NBN: variants seen among roughly 807,000 people sequenced by gnomAD.
NBN encodes Nijmegen breakage syndrome 1 (nibrin).
NBN carries 88 observed loss-of-function variants against 90.8 expected under a neutral mutation model. The ratio of observed to expected loss-of-function variants is 0.97; its 90% confidence interval spans 0.82 to 1.16. The LOEUF (loss-of-function observed/expected upper bound fraction) is 1.16. Ranked by LOEUF, NBN falls within the 50% of genes most tolerant of loss-of-function variation. NBN has a pLI of 0.00. For missense variants in NBN, 894 were observed against 869.6 expected, an observed-to-expected ratio of 1.03 and a Z score of -0.35; for synonymous variants, 328 against 295.1, an observed-to-expected ratio of 1.11 and a Z score of -1.14.
chr8:89,975,566 G>A (rs904550390), intron 5 of NBN, among the ~76,000 whole-genome samples: 6 of 152,128 alleles, frequency 3.9e-5, no homozygotes, highest in African/African-American at 1.4e-4. Flanking sequence ...TGGGTTAATA[G>A]GATAAATAAC....
chr8:89,978,449 C>T, intron 4 of NBN, 126 bp from the exon 5 acceptor site: 1 of 735,600 alleles, frequency 1.4e-6, no homozygotes, highest in African/African-American at 1.8e-5. Context: ...CCTTTCATCT[C>T]TCTAAATTTA....
intron 14 of NBN, among the ~76,000 whole-genome samples, chr8:89,939,272 G>A (rs1017078027): frequency 5.9e-5 from 9 of 151,606 alleles, no homozygotes; most frequent in Non-Finnish European, 1.2e-4. Flanking sequence ...AAATGAGATG[G>A]CAGTACAGAA....
chr8:89,961,706 A>G (rs1410563734), intron 8 of NBN, among the ~76,000 whole-genome samples: 2 of 152,226 alleles, frequency 1.3e-5, no homozygotes, highest in Non-Finnish European at 2.9e-5. Flanking sequence ...GGCTGCAGCT[A>G]AACTACTGAG....
rs1809551457 is a variant in NBN at position 89,934,005 on chromosome 8, C to T, written c.*1577G>A. ...TTTGTAAAGACAGGAGGTACCAGAACTCTCATTCATTATATTCATAAATTG... is the reference window on the plus strand; with the variant it reads ...TTTGTAAAGACAGGAGGTACCAGAATTCTCATTCATTATATTCATAAATTG... On this transcript the variant is annotated 3_prime_UTR_variant, in exon 16 of 16. Transcript: ENST00000265433. 2 of 230,846 alleles carry T rather than the reference C, an allele frequency of 8.7e-6. No homozygotes were observed. Among genetic ancestry groups the T allele is most frequent in the East Asian group, 6.2e-5 (1 of 16,160 alleles). 14.3% of individuals were successfully genotyped at this position (230,846 alleles called of 1,614,324 possible). A position where few individuals can be genotyped will look rare whatever the true frequency, so the allele number is the denominator to read the frequency against.
At chr8:89,968,420 G>T (rs991409118) in intron 7 of NBN, among the ~76,000 whole-genome samples, 10 of 152,054 alleles carry the variant, frequency 6.6e-5, no homozygotes, top group Non-Finnish European at 1.3e-4. Flanking sequence ...GAATCCAACT[G>T]CCTGGGCTCA....
chr8:89,963,047 A>G (rs35822955), intron 8 of NBN, among the ~76,000 whole-genome samples: 1,679 of 152,242 alleles, frequency 0.011, 31 homozygotes, highest in African/African-American at 0.038. Flanking sequence ...CCTCTATCTT[A>G]TAAGGACTGT....
At chr8:89,977,597 G>C (rs1171769324) in intron 5 of NBN, among the ~76,000 whole-genome samples, 1 of 152,086 alleles carries the variant, frequency 6.6e-6, no homozygotes, top group Non-Finnish European at 1.5e-5. Flanking sequence ...CCCAGTAATG[G>C]GATTGCTGGG....
intron 2 of NBN, 134 bp from the exon 3 acceptor site, chr8:89,981,657 G>A: frequency 5.7e-6 from 5 of 874,214 alleles, no homozygotes; most frequent in Non-Finnish European, 8.8e-6. Context: ...TACTGCTTCG[G>A]TTGCCTTGAG....
At position 89,953,308 on chromosome 8, in the gene NBN, C is replaced by G. The variant is rs1170559670; in HGVS notation, c.1781G>C (p.Arg594Thr). ...EEDVNVRKRP[R>T]MDIETNDTFS... ...AGTGTCATTTGTTTCTATATCCATCCTTGGCCTTTTTCTAACATTGACATC... is the reference window on the plus strand; with the variant it reads ...AGTGTCATTTGTTTCTATATCCATCGTTGGCCTTTTTCTAACATTGACATC... The change falls in exon 11 of 16, where the codon AGG becomes ACG. Residue 594 changes from arginine to threonine, a missense_variant. Coordinates refer to ENST00000265433, the MANE Select transcript of NBN (RefSeq NM_002485.5). The G allele has an allele frequency of 1.9e-6, 3 of 1,613,366 alleles. 1 individual carries two copies. Among genetic ancestry groups the G allele is most frequent in the South Asian group, 2.2e-5 (2 of 91,070 alleles).
At position 89,984,639 on chromosome 8, in the gene NBN, G is replaced by A; in HGVS notation, c.-78C>T. 6.3e-7 allele frequency: 1 copy of A among 1,586,640 alleles called. No individual in the cohort carries two copies. Among genetic ancestry groups the A allele is most frequent in the South Asian group, 1.1e-5 (1 of 88,046 alleles). On this transcript the variant is annotated 5_prime_UTR_variant, in exon 1 of 16. Transcript: ENST00000265433. ...CTAGACGAGCGCGGATACGGCGCCTGCGGTCGGCATGGGCTCCGGGACGTG... is the reference window on the plus strand; with the variant it reads ...CTAGACGAGCGCGGATACGGCGCCTACGGTCGGCATGGGCTCCGGGACGTG...
At chr8:89,978,097 TA>T in intron 5 of NBN, 122 bp downstream of exon 5, 1 of 862,034 alleles carries the variant, frequency 1.2e-6, no homozygotes, top group Non-Finnish European at 1.8e-6. Flanking sequence ...CCATTAATAA[TA>T]CCGAACTATA....
At chr8:89,977,244 C>T (rs1040991129) in intron 5 of NBN, among the ~76,000 whole-genome samples, 30 of 151,918 alleles carry the variant, frequency 2.0e-4, no homozygotes, top group African/African-American at 7.0e-4. Flanking sequence ...AAACAGGCCC[C>T]GGTATGTGAT....
rs571828877 is a variant in NBN at position 89,984,229 on chromosome 8, C to T, written c.37+296G>A. 7.5e-6 allele frequency: 4 copies of T among 533,708 alleles called. No individual in the cohort carries two copies. In the South Asian group the frequency reaches 8.7e-5, roughly 12 times the overall value. 33.1% of individuals were successfully genotyped at this position (533,708 alleles called of 1,614,324 possible). On this transcript the variant is annotated intron_variant, in intron 1 of 15. Transcript: ENST00000265433. ...TTACCCGCAGGCCATCCAGCCCTAGCGCTGCAACGGCGCGGGGGTGAGGCT... is the reference window on the plus strand; with the variant it reads ...TTACCCGCAGGCCATCCAGCCCTAGTGCTGCAACGGCGCGGGGGTGAGGCT...
chr8:89,953,228 T>A lies in NBN; in HGVS notation c.1845+16A>T. On this transcript the variant is annotated intron_variant, in intron 11 of 15. Coordinates refer to ENST00000265433, the MANE Select transcript of NBN (RefSeq NM_002485.5). ...AGCTTCTATGTACTATACCTCTCAT[T>A]TAAAATGTTACTTACAGATATTTTG... 1 of 1,555,982 alleles carries A rather than the reference T, an allele frequency of 6.4e-7. No individual in the cohort carries two copies. The highest frequency in any genetic ancestry group is 8.9e-7 in the Non-Finnish European group (1 of 1,128,690).
chr8:89,953,690 C>A lies in NBN; in HGVS notation c.1399G>T (p.Glu467Ter), dbSNP rs1554558613. The A allele has an allele frequency of 1.2e-6, 2 of 1,605,846 alleles. No individual in the cohort carries two copies. The highest frequency in any genetic ancestry group is 1.7e-6 in the Non-Finnish European group (2 of 1,176,270). The change falls in exon 11 of 16, where the codon GAA becomes TAA. Residue 467 changes from glutamate (E) to a stop codon, truncating the protein, a stop_gained and splice_region_variant. Coordinates refer to ENST00000265433, the MANE Select transcript of NBN (RefSeq NM_002485.5). LOFTEE classifies it high-confidence loss of function. Reference sequence around the variant, plus strand: ...ATTTCTTGATTTTCTTCATCCCTTTCCCTTAGATTTAAAAAAAAAGAAGAA... The same window carrying A: ...ATTTCTTGATTTTCTTCATCCCTTTACCTTAGATTTAAAAAAAAAGAAGAA... ...NYFQPSTKKR[E>*]RDEENQEMSS...
intron 7 of NBN, among the ~76,000 whole-genome samples, chr8:89,968,006 C>A (rs919092187): frequency 7.2e-5 from 11 of 152,146 alleles, no homozygotes; most frequent in African/African-American, 2.7e-4. Context: ...ACCTATGATG[C>A]CAGCACTTTG....
chr8:89,978,341 T>C lies in NBN; in HGVS notation c.481-18A>G, dbSNP rs587781092. ...CATATTGTCTACAATGAAGAAAACA[T>C]GTGAATATATATATTCACATGCTAG... On this transcript the variant is annotated intron_variant, in intron 4 of 15. Transcript: ENST00000265433. 6.2e-5 allele frequency: 97 copies of C among 1,575,712 alleles called. 2 individuals carry two copies. The Admixed American group carries it at 9.8e-4, about 16-fold the overall frequency.
chr8:89,982,505 T>A, intron 2 of NBN: 1 of 573,998 alleles, frequency 1.7e-6, no homozygotes. Flanking sequence ...AAACAAAGAG[T>A]AAATTACTGA....
intron 5 of NBN, among the ~76,000 whole-genome samples, chr8:89,974,086 C>A (rs538574907): frequency 2.8e-4 from 42 of 152,058 alleles, no homozygotes; most frequent in Non-Finnish European, 5.1e-4. Flanking sequence ...CACTTCTGTA[C>A]GAAGATTTTG....
Sources: allele counts gnomAD v4.1 joint callset (sites outside exome capture counted in the v4.1 genomes callset), GRCh38; gene constraint gnomAD v4.1.1; transcripts MANE v1.5; gene names NCBI Gene and HGNC (gene_info 2026-07-23, HGNC 2026-07-21).